Variants in ZC2HC1B observed in about 807,000 individuals in gnomAD.
The protein encoded by ZC2HC1B is zinc finger C2HC domain-containing protein 1B.
Under a neutral mutation model 31.0 loss-of-function variants are expected in ZC2HC1B, and 36 were observed. That is an observed-to-expected ratio of 1.16 (90% confidence interval 0.89 to 1.54). The LOEUF (loss-of-function observed/expected upper bound fraction) is 1.54, where lower values mean the gene tolerates loss of function less well. Ranked by LOEUF, ZC2HC1B falls within the 40% of genes most tolerant of loss-of-function variation. The pLI is 0.00. For missense variants in ZC2HC1B, 260 were observed against 268.6 expected (o/e 0.97, Z 0.22); for synonymous variants, 73 against 88.0 (o/e 0.83, Z 0.95).
At chr6:143,893,309 A>G (rs1278155323) in intron 4 of ZC2HC1B, among the ~76,000 whole-genome samples, 1 of 152,214 alleles carries the variant, frequency 6.6e-6, no homozygotes, top group Admixed American at 6.5e-5. Context: ...CAACACTTGT[A>G]ATCTCAGCAC....
intron 6 of ZC2HC1B, among the ~76,000 whole-genome samples, chr6:143,906,505 G>A (rs1299103121): frequency 4.6e-5 from 7 of 151,820 alleles, no homozygotes; most frequent in Admixed American, 2.0e-4. Context: ...TTGCAGTGGC[G>A]AAATCTTAGC....
At chr6:143,902,060 C>A (rs1005911623) in intron 5 of ZC2HC1B, among the ~76,000 whole-genome samples, 1 of 152,142 alleles carries the variant, frequency 6.6e-6, no homozygotes, top group Non-Finnish European at 1.5e-5. Context: ...TGGCCCCACT[C>A]CTCTCCTTGT....
At chr6:143,876,891 C>T (rs549505474) in intron 1 of ZC2HC1B, among the ~76,000 whole-genome samples, 1 of 150,352 alleles carries the variant, frequency 6.7e-6, no homozygotes, top group African/African-American at 2.5e-5. Context: ...AGATGGTGCC[C>T]ACTGAGATTG....
At chr6:143,937,798 G>T (rs1329011084) in intron 7 of ZC2HC1B, 65 bp downstream of exon 7, 4 of 1,240,822 alleles carry the variant, frequency 3.2e-6, no homozygotes, top group African/African-American at 3.1e-5. Context: ...TAAGAGAATG[G>T]ATGCATAGTA....
chr6:143,909,164 G>C (rs956892085), intron 6 of ZC2HC1B, among the ~76,000 whole-genome samples: 2 of 152,114 alleles, frequency 1.3e-5, no homozygotes, highest in African/African-American at 4.8e-5. Context: ...GCTGGATTTG[G>C]TTTGCCAGTA....
rs185854735 is a variant in ZC2HC1B at position 143,931,967 on chromosome 6, C to T, written c.599-5682C>T. On this transcript the variant is annotated intron_variant, in intron 6 of 7. Coordinates refer to ENST00000237275, the MANE Select transcript of ZC2HC1B (RefSeq NM_001013623.3). ...GCAACCTCCACCTCCCAGGTTCAAG[C>T]GATTCTCCTGCTTCAGCCTCCCAAG... is the stretch of plus-strand genomic sequence containing the variant. Among the ~76,000 whole-genome samples the T allele has an allele frequency of 1.5e-4, 23 of 151,234 alleles. No homozygotes were observed. The East Asian group carries it at 3.9e-3, about 26-fold the overall frequency.
intron 1 of ZC2HC1B, among the ~76,000 whole-genome samples, chr6:143,866,914 G>A (rs1289545385): frequency 1.3e-5 from 2 of 152,122 alleles, no homozygotes; most frequent in African/African-American, 4.8e-5. Context: ...TTTCCCCTCA[G>A]GTAATTCTTG....
intron 6 of ZC2HC1B, among the ~76,000 whole-genome samples, chr6:143,927,404 T>G (rs1029933782): frequency 6.6e-6 from 1 of 152,216 alleles, no homozygotes; most frequent in Admixed American, 6.5e-5. Context: ...ACATGCAGTA[T>G]TTTGCTTTCT....
chr6:143,931,447 A>C (rs1220703159), intron 6 of ZC2HC1B, among the ~76,000 whole-genome samples: 1 of 152,146 alleles, frequency 6.6e-6, no homozygotes, highest in Non-Finnish European at 1.5e-5. Flanking sequence ...TATGCTTTAA[A>C]GAGGTTCTAT....
intron 4 of ZC2HC1B, among the ~76,000 whole-genome samples, chr6:143,894,776 G>A (rs1777645948): frequency 6.6e-6 from 1 of 152,052 alleles, no homozygotes; most frequent in Admixed American, 6.6e-5. Context: ...GAAACTACAG[G>A]GTTGATGGCT....
At chr6:143,930,115 T>C (rs1379587549) in intron 6 of ZC2HC1B, among the ~76,000 whole-genome samples, 1 of 152,046 alleles carries the variant, frequency 6.6e-6, no homozygotes, top group East Asian at 1.9e-4. Flanking sequence ...AGCTTTGTCA[T>C]TTCTTTTCTT....
At position 143,867,092 on chromosome 6, in the gene ZC2HC1B, G is replaced by A. The variant is rs530296852; in HGVS notation, c.28+2525G>A. Among the ~76,000 whole-genome samples the A allele has an allele frequency of 5.3e-5, 8 of 152,276 alleles. No homozygotes were observed. The South Asian group carries it at 1.7e-3, about 32-fold the overall frequency. On this transcript the variant is annotated intron_variant, in intron 1 of 7. Coordinates refer to ENST00000237275, the MANE Select transcript of ZC2HC1B (RefSeq NM_001013623.3). Reference sequence around the variant, plus strand: ...TATTGCAAAAAGTTACTTTCAGGCTGTGTGTGTAAGGTGACATACGAAATA... The same window carrying A: ...TATTGCAAAAAGTTACTTTCAGGCTATGTGTGTAAGGTGACATACGAAATA...
At chr6:143,889,645 A>G (rs914306638) in intron 4 of ZC2HC1B, among the ~76,000 whole-genome samples, 1 of 152,144 alleles carries the variant, frequency 6.6e-6, no homozygotes. Context: ...ACCTAGTAAC[A>G]GAGCTTCTAA....
At chr6:143,910,339 T>C (rs1254822694) in intron 6 of ZC2HC1B, among the ~76,000 whole-genome samples, 2 of 152,256 alleles carry the variant, frequency 1.3e-5, no homozygotes, top group African/African-American at 4.8e-5. Context: ...CTGGTTGTTA[T>C]GATTTCAGCT....
At chr6:143,931,867 T>C (rs1218372716) in intron 6 of ZC2HC1B, among the ~76,000 whole-genome samples, 30 of 135,086 alleles carry the variant, frequency 2.2e-4, no homozygotes, top group East Asian at 1.8e-3. Context: ...TCTTCTTCTT[T>C]TTTTTTTTTT....
rs191835449 is a variant in ZC2HC1B, at chr6:143,930,753, A to G, written c.599-6896A>G. 1.2e-4 allele frequency among the ~76,000 whole-genome samples: 19 copies of G among 152,240 alleles called. No homozygotes were observed. The East Asian group carries it at 2.7e-3, about 22-fold the overall frequency. ...CTCAGAAGATACTTGATATGATTTC[A>G]ATTTCTAAAATGTACTGAGGCTTAT... On this transcript the variant is annotated intron_variant, in intron 6 of 7. Coordinates refer to ENST00000237275, the MANE Select transcript of ZC2HC1B (RefSeq NM_001013623.3).
At position 143,905,766 on chromosome 6, in the gene ZC2HC1B, G is replaced by A. The variant is rs1485207229; in HGVS notation, c.598+2614G>A. On this transcript the variant is annotated intron_variant, in intron 6 of 7. Transcript: ENST00000237275. This position sits in a 1 kb window ranked among gnomAD's most constrained non-coding sequence, Gnocchi z 4.2. ...TTTGTTGAGTGTTTTTATCATGAAAGGGTGTTGAATTTTCTCAAATGGTTT... is the reference window on the plus strand; with the variant it reads ...TTTGTTGAGTGTTTTTATCATGAAAAGGTGTTGAATTTTCTCAAATGGTTT... Among the ~76,000 whole-genome samples, 1 of 152,034 alleles carries A rather than the reference G, an allele frequency of 6.6e-6. No individual in the cohort carries two copies. The highest frequency in any genetic ancestry group is 2.4e-5 in the African/African-American group (1 of 41,412).
In ZC2HC1B at chr6:143,908,253, A is replaced by G. The variant is rs117086193; in HGVS notation, c.598+5101A>G. Among the ~76,000 whole-genome samples, 3 of 151,698 alleles carry G rather than the reference A, an allele frequency of 2.0e-5. No homozygotes were observed. Among genetic ancestry groups the G allele is most frequent in the Admixed American group, 2.0e-4 (3 of 15,218 alleles). ...CTTTTTGCTTAGGATTGTCTTGACT[A>G]TTTGGGCTCTGTTTTGATTTCATAT... On this transcript the variant is annotated intron_variant, in intron 6 of 7. Transcript: ENST00000237275. The surrounding 1 kb of genome is among the most constrained non-coding windows in gnomAD (Gnocchi z 4.4).
Position 143,933,301 on chromosome 6 carries a change from C to T in ZC2HC1B, c.599-4348C>T, listed in dbSNP as rs35721114. On this transcript the variant is annotated intron_variant, in intron 6 of 7. Coordinates refer to ENST00000237275, the MANE Select transcript of ZC2HC1B (RefSeq NM_001013623.3). This position sits in a 1 kb window ranked among gnomAD's most constrained non-coding sequence, Gnocchi z 6.4. ...CCAGGAGGTGGTGCTTTTGAGAGTG[C>T]GCCAGCCAGCTGCAATAGTAGAGGG... Among the ~76,000 whole-genome samples the T allele has an allele frequency of 3.1e-3, 467 of 152,170 alleles. 1 individual carries two copies. Among genetic ancestry groups the T allele is most frequent in the Non-Finnish European group, 5.6e-3 (382 of 67,994 alleles).
Sources: gnomAD v4.1 joint callset for allele counts (sites outside exome capture counted in the v4.1 genomes callset) on GRCh38, gnomAD v4.1.1 for gene constraint, Gnocchi (gnomAD v3.1) non-coding constraint, MANE v1.5 for transcripts, NCBI Gene and HGNC (gene_info 2026-07-23, HGNC 2026-07-21) for gene names.